RNLS: variants seen among roughly 807,000 people sequenced by gnomAD.
RNLS encodes the protein renalase.
Under a neutral mutation model 39.8 loss-of-function variants are expected in RNLS, and 39 were observed. That is an observed-to-expected ratio of 0.98 (90% confidence interval 0.76 to 1.28). RNLS has a LOEUF of 1.28. RNLS is among the 50% of genes most tolerant of loss of function. RNLS has a pLI of 0.00. For missense variants in RNLS, 410 were observed against 413.3 expected (o/e 0.99, Z 0.07); for synonymous variants, 147 against 150.7 (o/e 0.98, Z 0.18).
chr10:88,583,084 GC>G lies in RNLS; in HGVS notation c.106del (p.Ala36LeufsTer8). Reference protein sequence around the residue: ...GPLYLAVWDKAEDSGGRMTTA... With the variant: ...GPLYLAVWDKXEDSGGRMTTA... ...TTTAGACAACCCACCTGAGTCCTCA[GC>G]CTTGTCCCACACAGCAAGGTACAAG... On this transcript the variant is annotated frameshift_variant, in exon 1 of 7. Coordinates refer to ENST00000331772, the MANE Select transcript of RNLS (RefSeq NM_001031709.3). LOFTEE classifies it high-confidence loss of function. The G allele has an allele frequency of 6.2e-7, 1 of 1,613,554 alleles. No individual in the cohort carries two copies. The highest frequency in any genetic ancestry group is 1.1e-5 in the South Asian group (1 of 91,012).
chr10:88,379,638 A>ACTT (rs1182998372), intron 4 of RNLS, among the ~76,000 whole-genome samples: 3 of 152,186 alleles, frequency 2.0e-5, no homozygotes, highest in African/African-American at 7.2e-5. Flanking sequence ...CTTAAATATG[A>ACTT]CTTTGACAAC....
At chr10:88,262,803 GA>G in the RNLS span, among the ~76,000 whole-genome samples, 2 of 152,182 alleles carry the variant, frequency 1.3e-5, no homozygotes, top group African/African-American at 2.4e-5. Flanking sequence ...AGAGGTGCCA[GA>G]AGGGGATTCT....
At chr10:88,226,116 G>C in the RNLS span, among the ~76,000 whole-genome samples, 1 of 152,134 alleles carries the variant, frequency 6.6e-6, no homozygotes, top group African/African-American at 2.4e-5. Context: ...GTTCTCCTCT[G>C]AGGCATTGCT....
At chr10:88,291,703 G>GT (rs776646618) in intron 6 of RNLS, among the ~76,000 whole-genome samples, 10 of 151,870 alleles carry the variant, frequency 6.6e-5, no homozygotes, top group South Asian at 2.1e-4. Context: ...ATTCTTTACT[G>GT]TTTTTTTTCT....
intron 4 of RNLS, among the ~76,000 whole-genome samples, chr10:88,464,241 C>T (rs916126353): frequency 2.0e-5 from 3 of 152,042 alleles, no homozygotes; most frequent in African/African-American, 7.2e-5. Context: ...CACTGGAAAT[C>T]GATATCATCA....
chr10:88,465,458 A>C (rs1232103547), intron 4 of RNLS, among the ~76,000 whole-genome samples: 1 of 152,102 alleles, frequency 6.6e-6, no homozygotes, highest in Non-Finnish European at 1.5e-5. Flanking sequence ...GAAAATTCCA[A>C]GGATCCACAT....
At chr10:88,278,251 T>A (rs772408056) in intron 6 of RNLS, among the ~76,000 whole-genome samples, 7 of 152,164 alleles carry the variant, frequency 4.6e-5, no homozygotes, top group Non-Finnish European at 1.0e-4. Flanking sequence ...GGTCTCTGTA[T>A]CACTAACATT....
the RNLS span, among the ~76,000 whole-genome samples, chr10:88,248,811 T>G: frequency 0.12 from 17,899 of 152,182 alleles, 1,509 homozygotes; most frequent in African/African-American, 0.23. Context: ...ATTAACCTCT[T>G]GCAACTGCAG....
the RNLS span, among the ~76,000 whole-genome samples, chr10:88,234,193 G>A: frequency 1.3e-5 from 2 of 151,448 alleles, no homozygotes; most frequent in Admixed American, 1.3e-4. Flanking sequence ...CGGAAAAGAG[G>A]AAGAGAGAGA....
rs1034546140 is a variant in RNLS at position 88,449,835 on chromosome 10, T to C, written c.527-87110A>G. Reference sequence around the variant, plus strand: ...TTGTTCCTTTTATTAATTTTTTAAGTATCTTTTGGTGTTTCTAACATTAAA... The same window carrying C: ...TTGTTCCTTTTATTAATTTTTTAAGCATCTTTTGGTGTTTCTAACATTAAA... On this transcript the variant is annotated intron_variant, in intron 4 of 6. Transcript: ENST00000331772. 3.3e-5 allele frequency among the ~76,000 whole-genome samples: 5 copies of C among 152,184 alleles called. No individual in the cohort carries two copies. In the South Asian group the frequency reaches 1.0e-3, roughly 32 times the overall value.
At chr10:88,373,819 C>T (rs792221) in intron 4 of RNLS, among the ~76,000 whole-genome samples, 115,352 of 151,902 alleles carry the variant, frequency 0.76, 44,226 homozygotes, top group African/African-American at 0.86. Context: ...ACCTGAGATT[C>T]ACGTCACTGC....
chr10:88,192,099 G>A, the RNLS span, among the ~76,000 whole-genome samples: 1 of 152,046 alleles, frequency 6.6e-6, no homozygotes, highest in Non-Finnish European at 1.5e-5. Context: ...AAAAGAGACA[G>A]ATTATCTTTA....
At chr10:88,414,881 A>G (rs1200496841) in intron 4 of RNLS, among the ~76,000 whole-genome samples, 3 of 152,118 alleles carry the variant, frequency 2.0e-5, no homozygotes, top group Non-Finnish European at 2.9e-5. Context: ...GCCAGGGAGG[A>G]ATTCTTTTGA....
chr10:88,230,734 A>G, the RNLS span, among the ~76,000 whole-genome samples: 1 of 152,220 alleles, frequency 6.6e-6, no homozygotes, highest in Non-Finnish European at 1.5e-5. Context: ...GACATCTTAG[A>G]TAATAATAGC....
At chr10:88,514,947 T>C (rs1846330850) in intron 4 of RNLS, among the ~76,000 whole-genome samples, 1 of 152,146 alleles carries the variant, frequency 6.6e-6, no homozygotes, top group African/African-American at 2.4e-5. Context: ...GTTTAATTTT[T>C]GGAGGAAACT....
intron 4 of RNLS, among the ~76,000 whole-genome samples, chr10:88,487,061 A>T (rs1844571623): frequency 6.6e-6 from 1 of 152,198 alleles, no homozygotes; most frequent in Non-Finnish European, 1.5e-5. Flanking sequence ...TTGCAAAAAC[A>T]TGGATGAAGC....
chr10:88,580,408 G>A (rs1850470998), intron 3 of RNLS, among the ~76,000 whole-genome samples: 1 of 151,976 alleles, frequency 6.6e-6, no homozygotes, highest in Non-Finnish European at 1.5e-5. Context: ...AGGATTCTTG[G>A]GGTTCTCAAT....
intron 4 of RNLS, among the ~76,000 whole-genome samples, chr10:88,427,195 C>T (rs887362592): frequency 2.6e-5 from 4 of 151,984 alleles, no homozygotes; most frequent in African/African-American, 9.7e-5. Flanking sequence ...TACTACCACA[C>T]TATACTCATT....
intron 3 of RNLS, among the ~76,000 whole-genome samples, chr10:88,579,904 G>A (rs1850435107): frequency 6.6e-6 from 1 of 152,142 alleles, no homozygotes; most frequent in Admixed American, 6.5e-5. Flanking sequence ...CCTAATGTGG[G>A]TAGGCCTCAT....
Sources: gnomAD v4.1 joint callset for allele counts (sites outside exome capture counted in the v4.1 genomes callset) on GRCh38, gnomAD v4.1.1 for gene constraint, MANE v1.5 for transcripts, NCBI Gene and HGNC (gene_info 2026-07-23, HGNC 2026-07-21) for gene names.